Variants in GARRE1 observed in about 807,000 individuals in gnomAD.
The protein encoded by GARRE1 is granule associated Rac and RHOG effector 1.
GARRE1 carries 49 observed loss-of-function variants against 103.2 expected under a neutral mutation model. That is an observed-to-expected ratio of 0.47 (90% confidence interval 0.38 to 0.60). GARRE1 has a LOEUF of 0.60. GARRE1 is among the 20% of genes least tolerant of loss of function. GARRE1 has a pLI of 0.00. For synonymous variants in GARRE1, 505 were observed against 532.8 expected (o/e 0.95, Z 0.72); for missense variants, 1,199 against 1,370.5 (o/e 0.87, Z 1.98).
intron 1 of GARRE1, among the ~76,000 whole-genome samples, chr19:34,286,758 C>T (rs550607400): frequency 3.7e-4 from 57 of 152,156 alleles, no homozygotes; most frequent in Non-Finnish European, 6.6e-4. Context: ...GCCTCGGCCT[C>T]CCAAAGTGCT....
At chr19:34,340,738 G>T (rs1217626885) in intron 9 of GARRE1, among the ~76,000 whole-genome samples, 1 of 152,090 alleles carries the variant, frequency 6.6e-6, no homozygotes, top group Middle Eastern at 3.2e-3. Context: ...GGCCAGGCTG[G>T]TATCAAACTC....
chr19:34,318,847 G>A (rs1164531851), intron 2 of GARRE1, among the ~76,000 whole-genome samples: 1 of 152,052 alleles, frequency 6.6e-6, no homozygotes, highest in Non-Finnish European at 1.5e-5. Flanking sequence ...TTCAAGACCA[G>A]CCTGGCCAAC....
chr19:34,315,260 G>A (rs992504041), intron 2 of GARRE1, among the ~76,000 whole-genome samples: 2 of 152,114 alleles, frequency 1.3e-5, no homozygotes, highest in African/African-American at 4.8e-5. Context: ...TGGGAAATGG[G>A]GTGGACTTGG....
Position 34,299,873 on chromosome 19 carries a change from CATT to C in GARRE1, c.-599_-597del, listed in dbSNP as rs1318634132. 1 of 152,030 alleles carries C rather than the reference CATT, an allele frequency of 6.6e-6. No individual in the cohort carries two copies. The highest frequency in any genetic ancestry group is 1.5e-5 in the Non-Finnish European group (1 of 68,012). 9.4% of individuals were successfully genotyped at this position (152,030 alleles called of 1,614,324 possible). A position where few individuals can be genotyped will look rare whatever the true frequency, so the allele number is the denominator to read the frequency against. ...AAAAGAAAAACTTGTTTTCAGGAAACATTAGAGGAAATTTGGAGAATTTCAGCA... is the reference window on the plus strand; with the variant it reads ...AAAAGAAAAACTTGTTTTCAGGAAACAGAGGAAATTTGGAGAATTTCAGCA... On this transcript the variant is annotated 5_prime_UTR_variant, in exon 2 of 14. An upstream open reading frame in the 5' UTR loses its in-frame stop. Coordinates refer to ENST00000299505, the MANE Select transcript of GARRE1 (RefSeq NM_014686.5).
chr19:34,301,493 G>C (rs1422728097), intron 2 of GARRE1, among the ~76,000 whole-genome samples: 1 of 128,906 alleles, frequency 7.8e-6, no homozygotes, highest in African/African-American at 3.1e-5. Context: ...CAGCCTGGAC[G>C]GCAGAGTGAG....
chr19:34,347,137 G>A (rs940748920), intron 10 of GARRE1, among the ~76,000 whole-genome samples: 1 of 150,402 alleles, frequency 6.6e-6, no homozygotes, highest in African/African-American at 2.5e-5. Context: ...CGCCCAGACT[G>A]GAGTGCAGTG....
At position 34,341,519 on chromosome 19, in the gene GARRE1, T is replaced by TCA. The variant is rs1401795877; in HGVS notation, c.1586_1587dup (p.Gly530GlnfsTer11). On this transcript the variant is annotated frameshift_variant, in exon 10 of 14. Transcript: ENST00000299505. LOFTEE classifies it high-confidence loss of function. ...GCCTTCTGGAAATGGAAACAAATCT[T>TCA]CAGGTGGCCTGCAGAAGACATTCTC... 1 of 1,614,074 alleles carries TCA rather than the reference T, an allele frequency of 6.2e-7. No individual in the cohort carries two copies. Among genetic ancestry groups the TCA allele is most frequent in the South Asian group, 1.1e-5 (1 of 91,078 alleles).
At chr19:34,297,936 A>G (rs1334029766) in intron 1 of GARRE1, among the ~76,000 whole-genome samples, 1 of 152,124 alleles carries the variant, frequency 6.6e-6, no homozygotes. Flanking sequence ...TGTCCTTCTC[A>G]TCTCTTGCCT....
chr19:34,263,750 G>A (rs1374529045), intron 1 of GARRE1, among the ~76,000 whole-genome samples: 1 of 152,172 alleles, frequency 6.6e-6, no homozygotes, highest in South Asian at 2.1e-4. Flanking sequence ...GCCTCCCAAA[G>A]TGCTGGGATT....
At chr19:34,257,727 T>G (rs1349928764) in intron 1 of GARRE1, among the ~76,000 whole-genome samples, 1 of 152,164 alleles carries the variant, frequency 6.6e-6, no homozygotes, top group Non-Finnish European at 1.5e-5. Context: ...TGTCTTTAAC[T>G]CTACTGAAAC....
In GARRE1 at chr19:34,321,919, C is replaced by T. The variant is rs563344338; in HGVS notation, c.705+1803C>T. ...AGCGCAGTGGTGTGGGATGGTATGGCATGGTCATCAGGGATAATGTGAAGG... is the reference window on the plus strand; with the variant it reads ...AGCGCAGTGGTGTGGGATGGTATGGTATGGTCATCAGGGATAATGTGAAGG... On this transcript the variant is annotated intron_variant, in intron 3 of 13. Transcript: ENST00000299505. 6.6e-5 allele frequency among the ~76,000 whole-genome samples: 10 copies of T among 152,274 alleles called. No individual in the cohort carries two copies. The East Asian group carries it at 1.2e-3, about 18-fold the overall frequency.
intron 1 of GARRE1, among the ~76,000 whole-genome samples, chr19:34,256,248 A>C (rs1432753197): frequency 6.6e-6 from 1 of 151,740 alleles, no homozygotes; most frequent in African/African-American, 2.4e-5. Context: ...GCGATGGCTC[A>C]TGCCTGTAAT....
In GARRE1 at chr19:34,300,828, G is replaced by A. The variant is rs1208877137; in HGVS notation, c.355G>A (p.Asp119Asn). 2.5e-6 allele frequency: 4 copies of A among 1,614,206 alleles called. No individual in the cohort carries two copies. Residue 119 changes from aspartate (D) to asparagine (N), a missense_variant, in exon 2 of 14, where the codon GAT (aspartate) becomes AAT (asparagine). By Grantham distance (23) the Asp-to-Asn change is conservative. Transcript: ENST00000299505. ...CTCAAAGGCAGCCACACAGCTCAAAGATGTGCAGGAGCATGTCATGGAAGC... is the reference window on the plus strand; with the variant it reads ...CTCAAAGGCAGCCACACAGCTCAAAAATGTGCAGGAGCATGTCATGGAAGC... The part of the protein sequence containing the change: ...HYSKAATQLK[D>N]VQEHVMEAAS...
At chr19:34,299,041 G>T (rs2073963177) in intron 1 of GARRE1, among the ~76,000 whole-genome samples, 1 of 152,140 alleles carries the variant, frequency 6.6e-6, no homozygotes, top group Non-Finnish European at 1.5e-5. Context: ...TAAACCGCCT[G>T]CCAGCCACTC....
At chr19:34,297,263 G>A (rs2073952319) in intron 1 of GARRE1, among the ~76,000 whole-genome samples, 1 of 152,000 alleles carries the variant, frequency 6.6e-6, no homozygotes, top group Non-Finnish European at 1.5e-5. Flanking sequence ...ACTCCAGACT[G>A]GGCGACAGAG....
chr19:34,279,964 G>A (rs1329215168), intron 1 of GARRE1, among the ~76,000 whole-genome samples: 8 of 135,396 alleles, frequency 5.9e-5, no homozygotes, highest in African/African-American at 1.2e-4. Flanking sequence ...CAGCCTGGGC[G>A]ACAGAGCGAG....
intron 2 of GARRE1, among the ~76,000 whole-genome samples, chr19:34,307,377 C>T (rs2074011904): frequency 6.6e-6 from 1 of 151,958 alleles, no homozygotes; most frequent in South Asian, 2.1e-4. Flanking sequence ...TCTATGTAGG[C>T]AGTCCAGGAA....
Position 34,327,579 on chromosome 19 carries a change from G to GATTTCAGA in GARRE1, c.846+19_846+20insTTTCAGAA. 6.2e-7 allele frequency: 1 copy of GATTTCAGA among 1,612,028 alleles called. No homozygotes were observed. The highest frequency in any genetic ancestry group is 8.5e-7 in the Non-Finnish European group (1 of 1,179,092). On this transcript the variant is annotated intron_variant, in intron 4 of 13. Coordinates refer to ENST00000299505, the MANE Select transcript of GARRE1 (RefSeq NM_014686.5). The stretch of plus-strand genomic sequence containing the variant: ...CTTTGCAAGTAAGTTTTTCAGAACT[G>GATTTCAGA]ACATACTGATTTCCACGGGATAGAA...
At chr19:34,351,196 CA>C (rs776416030) in intron 12 of GARRE1, among the ~76,000 whole-genome samples, 3,504 of 52,104 alleles carry the variant, frequency 0.067, 75 homozygotes, top group Admixed American at 0.18. Context: ...GACTCAGTCT[CA>C]AAAAAAAAAA....
Sources: gnomAD v4.1 joint callset for allele counts (sites outside exome capture counted in the v4.1 genomes callset) on GRCh38, gnomAD v4.1.1 for gene constraint, MANE v1.5 for transcripts, NCBI Gene and HGNC (gene_info 2026-07-23, HGNC 2026-07-21) for gene names.